Variants in USP32 observed in about 807,000 individuals in gnomAD.
USP32 encodes ubiquitin carboxyl-terminal hydrolase 32.
USP32 carries 59 observed loss-of-function variants against 204.8 expected under a neutral mutation model. The observed-to-expected ratio is 0.29, with a 90% CI of 0.23 to 0.36. The LOEUF (loss-of-function observed/expected upper bound fraction) is 0.36. Among genes scored for constraint, USP32 ranks in the 10% least tolerant of loss-of-function variants. USP32 has a pLI of 1.00. For missense variants in USP32, 1,160 were observed against 1,946.4 expected (o/e 0.60, Z 7.60); for synonymous variants, 517 against 678.4 (o/e 0.76, Z 3.70).
chr17:60,412,605 G>T (rs1360160644), intron 1 of USP32, among the ~76,000 whole-genome samples: 1 of 152,004 alleles, frequency 6.6e-6, no homozygotes, highest in Admixed American at 6.6e-5. Context: ...CTAAGGCAAG[G>T]TGATTTTTCT....
intron 14 of USP32, 89 bp from the exon 15 acceptor site, chr17:60,222,638 A>C: frequency 2.1e-5 from 26 of 1,238,130 alleles, no homozygotes; most frequent in Non-Finnish European, 2.5e-5. Context: ...AAACAAACTC[A>C]TATATCACCA....
At chr17:60,201,784 G>A (rs1171461232) in intron 26 of USP32, among the ~76,000 whole-genome samples, 9 of 151,566 alleles carry the variant, frequency 5.9e-5, no homozygotes, top group Non-Finnish European at 1.0e-4. Flanking sequence ...TCAGCCTCCC[G>A]AGTAGCTGGG....
chr17:60,321,544 G>C (rs2088112033), intron 2 of USP32, among the ~76,000 whole-genome samples: 1 of 152,030 alleles, frequency 6.6e-6, no homozygotes. Flanking sequence ...CAATCAACAG[G>C]TACCATCAAT....
At chr17:60,340,095 T>G (rs1332101381) in intron 2 of USP32, among the ~76,000 whole-genome samples, 1 of 152,072 alleles carries the variant, frequency 6.6e-6, no homozygotes, top group Admixed American at 6.5e-5. Context: ...TCCATAGGAT[T>G]TTTTTTTCTC....
intron 2 of USP32, among the ~76,000 whole-genome samples, chr17:60,334,473 T>G (rs922424010): frequency 5.9e-5 from 9 of 152,054 alleles, no homozygotes; most frequent in South Asian, 2.1e-4. Flanking sequence ...CTCCAAAAAT[T>G]TTTCCAATAT....
chr17:60,263,213 G>T (rs2086497644), intron 9 of USP32, among the ~76,000 whole-genome samples: 2 of 152,102 alleles, frequency 1.3e-5, no homozygotes, highest in African/African-American at 4.8e-5. Flanking sequence ...CTTCCAAAGT[G>T]CTGGGATTAT....
Position 60,236,993 on chromosome 17 carries a change from TA to T in USP32, c.1137-754del, listed in dbSNP as rs555219116. 4.4e-3 allele frequency among the ~76,000 whole-genome samples: 677 copies of T among 152,222 alleles called. 9 individuals carry two copies. The highest frequency in any genetic ancestry group is 0.015 in the African/African-American group (623 of 41,544). On this transcript the variant is annotated intron_variant, in intron 11 of 33. Coordinates refer to ENST00000300896, the MANE Select transcript of USP32 (RefSeq NM_032582.4). ...ACATTTTGTTTATCCATCCAACACC[TA>T]AAGAACATTTGAAACTGGCAAGTCA...
chr17:60,277,729 T>C (rs1448553742), intron 5 of USP32, among the ~76,000 whole-genome samples: 1 of 152,162 alleles, frequency 6.6e-6, no homozygotes, highest in Non-Finnish European at 1.5e-5. Flanking sequence ...AGAATCCAGA[T>C]TCTACCATTC....
At chr17:60,224,932 C>T (rs1336429756) in intron 13 of USP32, among the ~76,000 whole-genome samples, 1 of 152,102 alleles carries the variant, frequency 6.6e-6, no homozygotes, top group Non-Finnish European at 1.5e-5. Context: ...AGGTAAGTAC[C>T]AAGGCCTAAA....
chr17:60,361,070 A>G (rs2089196932), intron 1 of USP32, among the ~76,000 whole-genome samples: 1 of 152,162 alleles, frequency 6.6e-6, no homozygotes, highest in South Asian at 2.1e-4. Flanking sequence ...CGGAGATTGA[A>G]GTGAGCTGAG....
intron 28 of USP32, among the ~76,000 whole-genome samples, chr17:60,192,318 G>A (rs1054012765): frequency 6.6e-6 from 1 of 152,130 alleles, no homozygotes; most frequent in African/African-American, 2.4e-5. Context: ...CACAAAAAAG[G>A]AGAGGTGAAG....
chr17:60,422,402 A>G lies in USP32; in HGVS notation c.-51T>C. 5 of 1,403,818 alleles carry G rather than the reference A, an allele frequency of 3.6e-6. No homozygotes were observed. The South Asian group carries it at 6.9e-5, about 19-fold the overall frequency. 87.0% of individuals were successfully genotyped at this position (1,403,818 alleles called of 1,614,324 possible). ...CCAGCTGGAGGGGCCAGCTGCAGCCACCCCTAAGAATGAGGAAATGGGAGC... is the reference window on the plus strand; with the variant it reads ...CCAGCTGGAGGGGCCAGCTGCAGCCGCCCCTAAGAATGAGGAAATGGGAGC... On this transcript the variant is annotated 5_prime_UTR_variant, in exon 1 of 4. Coordinates refer to the USP32 transcript ENST00000588898.
At chr17:60,245,673 C>A (rs1403326835) in intron 11 of USP32, 3 of 206,180 alleles carry the variant, frequency 1.5e-5, no homozygotes, top group African/African-American at 4.7e-5. Context: ...ATGGCTGCCA[C>A]CTCCGTAGGC....
At chr17:60,228,822 T>C (rs1303189242) in intron 12 of USP32, among the ~76,000 whole-genome samples, 1 of 149,754 alleles carries the variant, frequency 6.7e-6, no homozygotes, top group Non-Finnish European at 1.5e-5. Flanking sequence ...AGACTCTTTG[T>C]TTTTTTTGTT....
chr17:60,350,115 C>A (rs756405559), intron 1 of USP32, among the ~76,000 whole-genome samples: 1 of 151,180 alleles, frequency 6.6e-6, no homozygotes, highest in Non-Finnish European at 1.5e-5. Context: ...CAGGCTCAAG[C>A]AATCCTCCCA....
chr17:60,249,464 T>G (rs988903617), intron 11 of USP32: 1 of 422,888 alleles, frequency 2.4e-6, no homozygotes, highest in African/African-American at 2.1e-5. Context: ...GTTAGTCTGC[T>G]GCTTCCCCTA....
At chr17:60,406,238 G>A (rs1436021572) in intron 1 of USP32, among the ~76,000 whole-genome samples, 1 of 151,504 alleles carries the variant, frequency 6.6e-6, no homozygotes, top group Non-Finnish European at 1.5e-5. Flanking sequence ...TGTCATCCAG[G>A]GACCATCTCA....
Position 60,204,758 on chromosome 17 carries a change from C to T in USP32, c.3249+689G>A, listed in dbSNP as rs1474572088. 5.3e-5 allele frequency among the ~76,000 whole-genome samples: 8 copies of T among 150,290 alleles called. No individual in the cohort carries two copies. In the South Asian group the frequency reaches 8.5e-4, roughly 16 times the overall value. Reference sequence around the variant, plus strand: ...TGCTGGGAGTATAGATGTGAGCCACCGCACCTGGCCATTTTCTTTCTTTCT... The same window carrying T: ...TGCTGGGAGTATAGATGTGAGCCACTGCACCTGGCCATTTTCTTTCTTTCT... On this transcript the variant is annotated intron_variant, in intron 26 of 33. Coordinates refer to ENST00000300896, the MANE Select transcript of USP32 (RefSeq NM_032582.4).
chr17:60,329,212 A>G (rs1248394449), intron 2 of USP32, among the ~76,000 whole-genome samples: 2 of 152,132 alleles, frequency 1.3e-5, no homozygotes, highest in Non-Finnish European at 2.9e-5. Flanking sequence ...GAAAAAAACA[A>G]AAAGATGTTA....
Sources: gnomAD v4.1 joint callset for allele counts (sites outside exome capture counted in the v4.1 genomes callset) on GRCh38, gnomAD v4.1.1 for gene constraint, MANE v1.5 for transcripts, NCBI Gene and HGNC (gene_info 2026-07-23, HGNC 2026-07-21) for gene names.